Variants in TGM3 observed in about 807,000 individuals in gnomAD.
TGM3 encodes protein-glutamine gamma-glutamyltransferase E.
In TGM3, 52 loss-of-function variants were observed where a neutral mutation model predicts 73.8. The ratio of observed to expected loss-of-function variants is 0.70; its 90% CI spans 0.56 to 0.89. The LOEUF (loss-of-function observed/expected upper bound fraction) is 0.89. Ranked by LOEUF, TGM3 falls within the 40% of genes least tolerant of loss-of-function variation. The pLI, the probability that TGM3 is intolerant of heterozygous loss-of-function variation, is 0.00. For missense variants in TGM3, 928 were observed against 909.9 expected (o/e 1.02, Z -0.26); for synonymous variants, 372 against 354.9 (o/e 1.05, Z -0.54).
intron 7 of TGM3, among the ~76,000 whole-genome samples, chr20:2,321,392 CTT>C (rs2084262408): frequency 6.6e-6 from 1 of 152,146 alleles, no homozygotes; most frequent in Admixed American, 6.5e-5. Flanking sequence ...TTGGCACTCT[CTT>C]GGCGTGTCAG....
At chr20:2,312,654 G>T (rs375412347) in intron 4 of TGM3, among the ~76,000 whole-genome samples, 8 of 151,620 alleles carry the variant, frequency 5.3e-5, no homozygotes, top group East Asian at 1.9e-4. Context: ...TCTCTTTTTT[G>T]TTGTTGTTGT....
chr20:2,338,150 T>C (rs2084361622), intron 11 of TGM3, among the ~76,000 whole-genome samples: 1 of 152,178 alleles, frequency 6.6e-6, no homozygotes, highest in Non-Finnish European at 1.5e-5. Flanking sequence ...TCTAACCTGG[T>C]ACTGACTGGC....
chr20:2,340,284 C>A (rs1045610887), intron 12 of TGM3, 150 bp from the exon 13 acceptor site: 1 of 1,230,872 alleles, frequency 8.1e-7, no homozygotes, highest in Non-Finnish European at 1.1e-6. Flanking sequence ...GCTGGAGGGG[C>A]CCCGTAACCC....
At chr20:2,313,905 G>A (rs1157774625) in intron 5 of TGM3, among the ~76,000 whole-genome samples, 1 of 152,066 alleles carries the variant, frequency 6.6e-6, no homozygotes, top group Non-Finnish European at 1.5e-5. Flanking sequence ...GGCAGACACG[G>A]TGGCTCACAC....
At chr20:2,320,698 A>C (rs952644181) in intron 7 of TGM3, among the ~76,000 whole-genome samples, 1 of 152,182 alleles carries the variant, frequency 6.6e-6, no homozygotes, top group Non-Finnish European at 1.5e-5. Flanking sequence ...CTTCAGAGTG[A>C]GGACACTTTT....
chr20:2,307,874 A>G lies in TGM3; in HGVS notation c.8-1783A>G, dbSNP rs150214319. Among the ~76,000 whole-genome samples, 612 of 152,054 alleles carry G rather than the reference A, an allele frequency of 4.0e-3. 5 individuals carry two copies. The highest frequency in any genetic ancestry group is 0.013 in the African/African-American group (558 of 41,464). ...TGTTCATTTATTCCTTCATCCATTT[A>G]TTTACCTAATTATCCTAATACAGTC... is the stretch of plus-strand genomic sequence containing the variant. On this transcript the variant is annotated intron_variant, in intron 1 of 12. Transcript: ENST00000381458.
intron 4 of TGM3, among the ~76,000 whole-genome samples, chr20:2,311,734 A>G (rs1037466039): frequency 6.6e-6 from 1 of 152,096 alleles, no homozygotes; most frequent in Non-Finnish European, 1.5e-5. Context: ...CCATCTACAG[A>G]CCCTGTCTGT....
Position 2,333,284 on chromosome 20 carries a change from C to G in TGM3, c.1642+974C>G, listed in dbSNP as rs2084330668. Among the ~76,000 whole-genome samples, 7 of 152,226 alleles carry G rather than the reference C, an allele frequency of 4.6e-5. 1 individual carries two copies. Among genetic ancestry groups the G allele is most frequent in the Admixed American group, 4.6e-4 (7 of 15,286 alleles). On this transcript the variant is annotated intron_variant, in intron 10 of 12. Coordinates refer to ENST00000381458, the MANE Select transcript of TGM3 (RefSeq NM_003245.4). ...GAAGCATCCCCTAGCAATCTGTCTT[C>G]TGGCAGAATTTTAGCAGAAATCTTT...
At chr20:2,314,134 C>T (rs943508148) in intron 5 of TGM3, among the ~76,000 whole-genome samples, 8 of 152,016 alleles carry the variant, frequency 5.3e-5, no homozygotes, top group African/African-American at 7.2e-5. Context: ...CATGCCACTG[C>T]GCTCCAGCCT....
intron 7 of TGM3, 134 bp downstream of exon 7, chr20:2,317,619 A>G: frequency 8.0e-7 from 1 of 1,247,414 alleles, no homozygotes. Flanking sequence ...TGTAGAATGG[A>G]ACTGCTGGCA....
intron 11 of TGM3, among the ~76,000 whole-genome samples, chr20:2,338,074 C>A (rs2084360968): frequency 6.8e-6 from 1 of 147,798 alleles, no homozygotes; most frequent in South Asian, 2.2e-4. Flanking sequence ...CAGAGCAGGG[C>A]ACCGATTTTT....
At position 2,340,413 on chromosome 20, in the gene TGM3, G is replaced by C. The variant is rs774196994; in HGVS notation, c.1935-21G>C. On this transcript the variant is annotated intron_variant, in intron 12 of 12. Coordinates refer to ENST00000381458, the MANE Select transcript of TGM3 (RefSeq NM_003245.4). ...GGTCCGTGTGTCTCGTATCAACACT[G>C]ATCTGTGCCCTCCCCATCAGCGTGC... is the stretch of plus-strand genomic sequence containing the variant. The C allele has an allele frequency of 9.3e-6, 15 of 1,613,886 alleles. No homozygotes were observed. The Middle Eastern group carries it at 1.7e-3, about 178-fold the overall frequency.
intron 1 of TGM3, among the ~76,000 whole-genome samples, chr20:2,303,164 G>A (rs1308788841): frequency 1.3e-5 from 2 of 152,110 alleles, no homozygotes; most frequent in Non-Finnish European, 2.9e-5. Flanking sequence ...AGCCGGGCGT[G>A]GTGGTGCATG....
At chr20:2,298,765 C>G (rs971767641) in intron 1 of TGM3, among the ~76,000 whole-genome samples, 2 of 151,998 alleles carry the variant, frequency 1.3e-5, no homozygotes, top group Admixed American at 1.3e-4. Context: ...CTTCCTGGAC[C>G]CTCCTCATAT....
intron 7 of TGM3, among the ~76,000 whole-genome samples, chr20:2,319,474 C>T (rs370886579): frequency 7.9e-5 from 12 of 152,258 alleles, no homozygotes; most frequent in African/African-American, 2.2e-4. Context: ...TCAAGGAAGG[C>T]GTCCTGGAAA....
rs2084342445 is a variant in TGM3 at position 2,335,179 on chromosome 20, T to C, written c.1706T>C (p.Met569Thr). The C allele has an allele frequency of 3.1e-6, 5 of 1,614,100 alleles. No individual in the cohort carries two copies. The highest frequency in any genetic ancestry group is 4.2e-6 in the Non-Finnish European group (5 of 1,180,036). Residue 569 changes from methionine to threonine, a missense_variant, in exon 11 of 13, where the codon ATG (methionine) becomes ACG (threonine). Transcript: ENST00000381458. Reference protein sequence around the residue: ...QYEKYLKSDNMIRITAVCKVP... With the variant: ...QYEKYLKSDNTIRITAVCKVP... ...GAGAAGTACCTGAAGTCAGACAACA[T>C]GATCCGGATCACAGCGGTGTGCAAG...
At chr20:2,311,480 T>A (rs1050581919) in intron 4 of TGM3, among the ~76,000 whole-genome samples, 6 of 152,106 alleles carry the variant, frequency 3.9e-5, no homozygotes, top group African/African-American at 1.4e-4. Flanking sequence ...GTAGCTTCTG[T>A]TTTTCATTCC....
intron 7 of TGM3, among the ~76,000 whole-genome samples, chr20:2,320,289 C>A (rs2084255870): frequency 6.6e-6 from 1 of 152,174 alleles, no homozygotes; most frequent in African/African-American, 2.4e-5. Flanking sequence ...GTAACAGCAG[C>A]AACTAATAAT....
At chr20:2,300,236 A>AAAAG (rs3046692) in intron 1 of TGM3, among the ~76,000 whole-genome samples, 105,521 of 147,724 alleles carry the variant, frequency 0.71, 39,817 homozygotes, top group East Asian at 0.93. Context: ...AAGAAAGAAA[A>AAAAG]AAAGAAAGAA....
Sources: allele counts gnomAD v4.1 joint callset (sites outside exome capture counted in the v4.1 genomes callset), GRCh38; gene constraint gnomAD v4.1.1; transcripts MANE v1.5; gene names NCBI Gene and HGNC (gene_info 2026-07-23, HGNC 2026-07-21).